Variants in MACROD2 observed in about 807,000 individuals in gnomAD.
The protein encoded by MACROD2 is mono-ADP ribosylhydrolase 2, also known as ADP-ribose glycohydrolase MACROD2.
Under a neutral mutation model 70.4 loss-of-function variants are expected in MACROD2, and 36 were observed. That is an observed-to-expected ratio of 0.51 (90% CI 0.39 to 0.68). The LOEUF (loss-of-function observed/expected upper bound fraction) is 0.68, where lower values mean the gene tolerates loss of function less well. MACROD2 is among the 30% of genes least tolerant of loss of function. The pLI is 0.00. For missense variants in MACROD2, 496 were observed against 538.4 expected (o/e 0.92, Z 0.78); for synonymous variants, 172 against 178.8 (o/e 0.96, Z 0.30).
rs1025347273 is a variant in MACROD2 at position 14,392,780 on chromosome 20, C to T, written c.272-100699C>T. Among the ~76,000 whole-genome samples, 105 of 152,100 alleles carry T rather than the reference C, an allele frequency of 6.9e-4. 1 individual carries two copies. The highest frequency in any genetic ancestry group is 4.4e-5 in the Non-Finnish European group (3 of 68,022). Reference sequence around the variant, plus strand: ...TATTATGTGGCTCCCAATGGAGTCCCACCTTAGGTTTCTTATATTGACGGC... The same window carrying T: ...TATTATGTGGCTCCCAATGGAGTCCTACCTTAGGTTTCTTATATTGACGGC... On this transcript the variant is annotated intron_variant, in intron 3 of 17. Coordinates refer to ENST00000684519, the MANE Select transcript of MACROD2 (RefSeq NM_001351661.2).
At chr20:15,036,697 C>T (rs1256033183) in intron 5 of MACROD2, among the ~76,000 whole-genome samples, 1 of 152,010 alleles carries the variant, frequency 6.6e-6, no homozygotes, top group South Asian at 2.1e-4. Flanking sequence ...TGCACAAAAA[C>T]TCACCATCAT....
intron 5 of MACROD2, among the ~76,000 whole-genome samples, chr20:15,093,941 C>A (rs1810492702): frequency 6.6e-6 from 1 of 152,204 alleles, no homozygotes; most frequent in African/African-American, 2.4e-5. Flanking sequence ...CCTCTGTCAA[C>A]AGCCACCAAG....
At chr20:15,927,200 C>T (rs141505371) in intron 10 of MACROD2, among the ~76,000 whole-genome samples, 24 of 152,164 alleles carry the variant, frequency 1.6e-4, no homozygotes, top group South Asian at 1.0e-3. Flanking sequence ...AACTGAAATA[C>T]GATTCAAGGA....
chr20:14,757,872 G>A (rs1199961468), intron 5 of MACROD2: 31 of 1,480,986 alleles, frequency 2.1e-5, no homozygotes, highest in African/African-American at 7.0e-5. Flanking sequence ...GGCAGGCCTC[G>A]GCCTAAAGGT....
At chr20:15,023,964 G>A (rs1382930362) in intron 5 of MACROD2, among the ~76,000 whole-genome samples, 2 of 152,118 alleles carry the variant, frequency 1.3e-5, no homozygotes, top group Non-Finnish European at 2.9e-5. Flanking sequence ...AGCCTCCTGT[G>A]AGGATTAACT....
chr20:14,160,552 G>A (rs937956295), intron 3 of MACROD2, among the ~76,000 whole-genome samples: 2 of 152,036 alleles, frequency 1.3e-5, no homozygotes, highest in Non-Finnish European at 2.9e-5. Flanking sequence ...TTATATTTCT[G>A]TGGTATCAGT....
rs79174644 is a variant in MACROD2, at chr20:14,102,558, C to T, written c.271+16830C>T. ...ACCTCCTGCCTCTCTGCAGATCCAA[C>T]CCAATTTCCATTCAAACTAAGTCAG... On this transcript the variant is annotated intron_variant, in intron 3 of 17. Coordinates refer to ENST00000684519, the MANE Select transcript of MACROD2 (RefSeq NM_001351661.2). Among the ~76,000 whole-genome samples, 1,478 of 152,256 alleles carry T rather than the reference C, an allele frequency of 9.7e-3. 17 individuals are homozygous for T. Among genetic ancestry groups the T allele is most frequent in the African/African-American group, 0.033 (1,386 of 41,540 alleles).
chr20:14,356,666 G>C (rs1298864764), intron 3 of MACROD2, among the ~76,000 whole-genome samples: 1 of 151,906 alleles, frequency 6.6e-6, no homozygotes, highest in African/African-American at 2.4e-5. Flanking sequence ...CACCATGCCT[G>C]GCTAGTTTTT....
chr20:14,221,247 G>C (rs565229337), intron 3 of MACROD2, among the ~76,000 whole-genome samples: 1 of 152,142 alleles, frequency 6.6e-6, no homozygotes, highest in South Asian at 2.1e-4. Flanking sequence ...TGGAATGAGA[G>C]AGTCTTGAGT....
In MACROD2 at chr20:13,995,594, G is replaced by C; in HGVS notation, c.-170G>C. On this transcript the variant is annotated 5_prime_UTR_variant, in exon 1 of 18. Coordinates refer to ENST00000684519, the MANE Select transcript of MACROD2 (RefSeq NM_001351661.2). This position sits in a 1 kb window ranked among gnomAD's most constrained non-coding sequence, Gnocchi z 4.3. Reference sequence around the variant, plus strand: ...AGCCGGAGCCGAGCGCGGGCTGAGGGAGGAGGGCGGCGACTGGAGAGCGGC... The same window carrying C: ...AGCCGGAGCCGAGCGCGGGCTGAGGCAGGAGGGCGGCGACTGGAGAGCGGC... The C allele has an allele frequency of 1.4e-6, 1 of 706,440 alleles. No homozygotes were observed. Among genetic ancestry groups the C allele is most frequent in the African/African-American group, 1.7e-5 (1 of 57,178 alleles). 43.8% of individuals were successfully genotyped at this position (706,440 alleles called of 1,614,324 possible).
chr20:14,757,500 C>A (rs1453966366), intron 5 of MACROD2: 5 of 561,982 alleles, frequency 8.9e-6, no homozygotes, highest in South Asian at 2.5e-5. Context: ...GAAAATAGAT[C>A]CCATATGTCT....
intron 5 of MACROD2, among the ~76,000 whole-genome samples, chr20:15,187,999 G>A (rs1055123139): frequency 2.0e-5 from 3 of 152,060 alleles, no homozygotes; most frequent in Non-Finnish European, 4.4e-5. Context: ...CCCTACACAC[G>A]AATGTAATGG....
At chr20:14,630,995 C>T (rs1322257450) in intron 4 of MACROD2, among the ~76,000 whole-genome samples, 2 of 152,072 alleles carry the variant, frequency 1.3e-5, no homozygotes, top group African/African-American at 2.4e-5. Context: ...TTCCACCTTA[C>T]TAAGCAGTTT....
intron 3 of MACROD2, among the ~76,000 whole-genome samples, chr20:14,168,090 G>A (rs1163415766): frequency 6.6e-6 from 1 of 152,128 alleles, no homozygotes; most frequent in African/African-American, 2.4e-5. Flanking sequence ...AAGATATTAA[G>A]CTTATACAAT....
At position 14,166,295 on chromosome 20, in the gene MACROD2, TCTTTA is replaced by T. The variant is rs576742425; in HGVS notation, c.271+80572_271+80576del. Among the ~76,000 whole-genome samples, 847 of 152,204 alleles carry T rather than the reference TCTTTA, an allele frequency of 5.6e-3. 6 individuals are homozygous for T. Among genetic ancestry groups the T allele is most frequent in the Middle Eastern group, 0.017 (5 of 294 alleles). On this transcript the variant is annotated intron_variant, in intron 3 of 17. Transcript: ENST00000684519. The stretch of plus-strand genomic sequence containing the variant: ...AAATTTTTCTAGTTTTTATGGTGAT[TCTTTA>T]CTTTCCTTTTAGACAATTCCGTGTG...
intron 5 of MACROD2, among the ~76,000 whole-genome samples, chr20:15,029,426 G>A (rs1377659751): frequency 1.3e-5 from 2 of 152,174 alleles, no homozygotes; most frequent in Non-Finnish European, 2.9e-5. Flanking sequence ...TGGAGGGCTT[G>A]TTGAAACACA....
intron 1 of MACROD2, among the ~76,000 whole-genome samples, chr20:13,997,333 C>G (rs1306200606): frequency 1.3e-5 from 2 of 152,106 alleles, no homozygotes; most frequent in Non-Finnish European, 2.9e-5. Flanking sequence ...AACACACTTT[C>G]AACAAGGATT....
intron 3 of MACROD2, among the ~76,000 whole-genome samples, chr20:14,226,609 G>A (rs1198128653): frequency 6.6e-6 from 1 of 152,204 alleles, no homozygotes; most frequent in Non-Finnish European, 1.5e-5. Context: ...GGAGCAGCCG[G>A]CCGGCCCTGC....
intron 4 of MACROD2, among the ~76,000 whole-genome samples, chr20:14,549,843 G>C (rs753761727): frequency 5.9e-5 from 9 of 151,770 alleles, no homozygotes; most frequent in Non-Finnish European, 1.2e-4. Context: ...ACCATTGTTA[G>C]TAATGCATAG....
Sources: allele counts gnomAD v4.1 joint callset (sites outside exome capture counted in the v4.1 genomes callset), GRCh38; gene constraint gnomAD v4.1.1; non-coding constraint Gnocchi (gnomAD v3.1); transcripts MANE v1.5; gene names NCBI Gene and HGNC (gene_info 2026-07-23, HGNC 2026-07-21).